The following SLC30A7 variants were observed in gnomAD, a reference collection of about 807,000 sequenced individuals.
SLC30A7 encodes solute carrier family 30 member 7.
A neutral mutation model predicts 46.0 loss-of-function variants in SLC30A7; 35 were observed. The observed-to-expected ratio is 0.76, with a 90% confidence interval of 0.58 to 1.01. The LOEUF is 1.01. SLC30A7 is among the 50% of genes least tolerant of loss of function. The probability of loss-of-function intolerance (pLI) is 0.00; values close to 1 mark genes in which losing one functional copy is unlikely to be tolerated. For missense variants in SLC30A7, 464 were observed against 451.1 expected (o/e 1.03, Z -0.26); for synonymous variants, 147 against 157.8 (o/e 0.93, Z 0.51).
chr1:100,967,986 T>C (rs951005041), intron 10 of SLC30A7, among the ~76,000 whole-genome samples: 4 of 152,162 alleles, frequency 2.6e-5, no homozygotes, highest in African/African-American at 9.7e-5. Context: ...AGATTCATGT[T>C]GAAGGATTTA....
chr1:100,953,319 A>T (rs1345374177), intron 8 of SLC30A7, among the ~76,000 whole-genome samples: 1 of 152,228 alleles, frequency 6.6e-6, no homozygotes, highest in East Asian at 1.9e-4. Flanking sequence ...TTTAACTCAG[A>T]TTCCTGATAG....
intron 3 of SLC30A7, 122 bp downstream of exon 3, chr1:100,907,087 C>A (rs1036323291): frequency 9.4e-6 from 6 of 636,108 alleles, no homozygotes; most frequent in Non-Finnish European, 1.6e-5. Flanking sequence ...ATCTTTGAAG[C>A]CCCCACTCAG....
At position 100,911,122 on chromosome 1, in the gene SLC30A7, C is replaced by A; in HGVS notation, c.356C>A (p.Ala119Asp). 2.5e-6 allele frequency: 4 copies of A among 1,610,730 alleles called. No individual in the cohort carries two copies. The highest frequency in any genetic ancestry group is 3.4e-6 in the Non-Finnish European group (4 of 1,178,094). The change falls in exon 4 of 11, where the codon GCT becomes GAT. Residue 119 changes from alanine (A) to aspartate (D), a missense_variant. Physicochemically the swap from Ala to Asp is moderately radical, Grantham distance 126. Transcript: ENST00000357650. Reference protein sequence around the residue: ...FVNGLFLIFTAFFIFSEGVER... With the variant: ...FVNGLFLIFTDFFIFSEGVER... ...AATGGCCTATTTTTGATCTTCACTG[C>A]TTTTTTTATTTTCTCAGAAGGAGTT...
intron 8 of SLC30A7, chr1:100,941,483 A>G (rs1358198410): frequency 4.2e-6 from 2 of 480,194 alleles, no homozygotes; most frequent in East Asian, 9.8e-5. Context: ...TTTCAGAATG[A>G]CAGTCTTATC....
chr1:100,943,414 A>G (rs1654462979), intron 8 of SLC30A7, among the ~76,000 whole-genome samples: 2 of 152,378 alleles, frequency 1.3e-5, no homozygotes, highest in South Asian at 4.1e-4. Context: ...GCCACACTCC[A>G]GGAAACTTCA....
intron 8 of SLC30A7, among the ~76,000 whole-genome samples, chr1:100,929,093 A>AGT (rs71084856): frequency 0.31 from 46,527 of 149,174 alleles, 7,684 homozygotes; most frequent in East Asian, 0.6. Context: ...ATATATAGAG[A>AGT]GTGTGTGTGT....
At chr1:100,927,555 T>G (rs932184559) in intron 8 of SLC30A7, among the ~76,000 whole-genome samples, 1 of 152,344 alleles carries the variant, frequency 6.6e-6, no homozygotes, top group East Asian at 1.9e-4. Flanking sequence ...GCAGTGTGAT[T>G]GCCTGGCAGC....
rs967839337 is a variant in SLC30A7 at position 100,960,602 on chromosome 1, G to A, written c.843-1226G>A. The stretch of plus-strand genomic sequence containing the variant: ...TCTTATGAGCTCTTCCTTGAAAGAT[G>A]GATGTTCTTTTTATCTTCTTCACCT... On this transcript the variant is annotated intron_variant, in intron 8 of 10. Coordinates refer to ENST00000357650, the MANE Select transcript of SLC30A7 (RefSeq NM_133496.5). Among the ~76,000 whole-genome samples, 15 of 152,088 alleles carry A rather than the reference G, an allele frequency of 9.9e-5. 1 individual carries two copies. Among genetic ancestry groups the A allele is most frequent in the Non-Finnish European group, 1.0e-4 (7 of 68,022 alleles).
At chr1:100,926,178 G>C (rs963337256) in intron 8 of SLC30A7, among the ~76,000 whole-genome samples, 33 of 152,034 alleles carry the variant, frequency 2.2e-4, no homozygotes, top group African/African-American at 8.0e-4. Context: ...CATATGATTG[G>C]ATTTCTTTTT....
chr1:100,903,491 A>G lies in SLC30A7; in HGVS notation c.183-3361A>G, dbSNP rs190006086. Among the ~76,000 whole-genome samples, 598 of 152,278 alleles carry G rather than the reference A, an allele frequency of 3.9e-3. 1 individual carries two copies. The highest frequency in any genetic ancestry group is 0.025 in the South Asian group (120 of 4,828). On this transcript the variant is annotated intron_variant, in intron 2 of 10. Coordinates refer to ENST00000357650, the MANE Select transcript of SLC30A7 (RefSeq NM_133496.5). ...TATTAAATCTAAGAGAATTGCATGAATAATATGCCCCTTACCTTGTCCTCA... is the reference window on the plus strand; with the variant it reads ...TATTAAATCTAAGAGAATTGCATGAGTAATATGCCCCTTACCTTGTCCTCA...
Position 100,908,447 on chromosome 1 carries a change from T to C in SLC30A7, c.296+1482T>C, listed in dbSNP as rs75532779. On this transcript the variant is annotated intron_variant, in intron 3 of 10. Transcript: ENST00000357650. The stretch of plus-strand genomic sequence containing the variant: ...AAAATACAATAATAGCTATATATTG[T>C]GACAGTTGCCAAAAAGGAGATGTGG... Among the ~76,000 whole-genome samples the C allele has an allele frequency of 6.5e-3, 997 of 152,350 alleles. 17 individuals are homozygous for C. Among genetic ancestry groups the C allele is most frequent in the African/African-American group, 0.021 (868 of 41,582 alleles).
chr1:100,990,168 G>A, the SLC30A7 span: 9 of 503,294 alleles, frequency 1.8e-5, no homozygotes, highest in Non-Finnish European at 2.9e-5. Context: ...AGGGCGGCAA[G>A]AGTGAGAATG....
At chr1:100,935,349 C>T (rs1412016303) in intron 8 of SLC30A7, among the ~76,000 whole-genome samples, 2 of 152,146 alleles carry the variant, frequency 1.3e-5, no homozygotes, top group Non-Finnish European at 2.9e-5. Flanking sequence ...TAGTTACATC[C>T]AGTGCTTTAT....
the SLC30A7 span, chr1:100,992,743 A>G: frequency 1.2e-6 from 2 of 1,605,688 alleles, no homozygotes; most frequent in Admixed American, 1.7e-5. Flanking sequence ...TCCTTCCCCT[A>G]TAGGCAGAAA....
chr1:100,943,203 T>A (rs914571767), intron 8 of SLC30A7, among the ~76,000 whole-genome samples: 1 of 152,218 alleles, frequency 6.6e-6, no homozygotes, highest in African/African-American at 2.4e-5. Context: ...TTAGTTTGCC[T>A]GTGCTTCTGA....
In SLC30A7 at chr1:100,896,572, C is replaced by G. The variant is rs1387959775; in HGVS notation, c.83C>G (p.Ser28Cys). The change falls in exon 2 of 11, where the codon TCT (serine) becomes TGT (cysteine). Residue 28 changes from serine (S) to cysteine (C), a missense_variant and splice_region_variant. Ser to Cys is a moderately radical substitution (Grantham distance 112, BLOSUM62 -1). Transcript: ENST00000357650. The stretch of plus-strand genomic sequence containing the variant: ...TTTTCCACGTGTATCATTCCCAGGT[C>G]TATACTGTCCGACAAGACTTCCCGG... The part of the protein sequence containing the change: ...LFGKISGWFR[S>C]ILSDKTSRNL... 6.2e-7 allele frequency: 1 copy of G among 1,613,758 alleles called. No homozygotes were observed. The highest frequency in any genetic ancestry group is 1.3e-5 in the African/African-American group (1 of 74,916).
chr1:100,902,811 CT>C (rs1377260996), intron 2 of SLC30A7, among the ~76,000 whole-genome samples: 1 of 152,136 alleles, frequency 6.6e-6, no homozygotes, highest in Non-Finnish European at 1.5e-5. Context: ...CTAATATTAA[CT>C]AATTATATCT....
rs1277011949 is a variant in SLC30A7, at chr1:100,979,554, CAG to C, written c.*4699_*4700del. On this transcript the variant is annotated 3_prime_UTR_variant, in exon 11 of 11. Coordinates refer to ENST00000357650, the MANE Select transcript of SLC30A7 (RefSeq NM_133496.5). ...TTATATTTCCTAACTGCAAATTACACAGAAAGTGAGAATGGGGAATAACTTTT... is the reference window on the plus strand; with the variant it reads ...TTATATTTCCTAACTGCAAATTACACAAAGTGAGAATGGGGAATAACTTTT... 1 of 151,464 alleles carries C rather than the reference CAG, an allele frequency of 6.6e-6. No individual in the cohort carries two copies. Among genetic ancestry groups the C allele is most frequent in the Non-Finnish European group, 1.5e-5 (1 of 67,908 alleles). 9.4% of individuals were successfully genotyped at this position (151,464 alleles called of 1,614,324 possible).
chr1:100,930,966 T>A (rs1653629741), intron 8 of SLC30A7, among the ~76,000 whole-genome samples: 1 of 152,164 alleles, frequency 6.6e-6, no homozygotes, highest in Non-Finnish European at 1.5e-5. Context: ...TTCTTACCTA[T>A]GTATCTAGAA....
Sources: gnomAD v4.1 joint callset for allele counts (sites outside exome capture counted in the v4.1 genomes callset) on GRCh38, gnomAD v4.1.1 for gene constraint, MANE v1.5 for transcripts, NCBI Gene and HGNC (gene_info 2026-07-23, HGNC 2026-07-21) for gene names.